Variants in CLSTN2 observed in about 807,000 individuals in gnomAD.
CLSTN2 encodes the protein calsyntenin 2.
CLSTN2 carries 48 observed loss-of-function variants against 101.2 expected under a neutral mutation model. That is an observed-to-expected ratio of 0.47 (90% CI 0.38 to 0.60). The LOEUF is 0.60. Among genes scored for constraint, CLSTN2 ranks in the 20% least tolerant of loss-of-function variants. The probability of loss-of-function intolerance (pLI) is 0.00; values close to 1 mark genes in which losing one functional copy is unlikely to be tolerated. For missense variants in CLSTN2, 1,160 were observed against 1,238.2 expected (o/e 0.94, Z 0.95); for synonymous variants, 481 against 463.6 (o/e 1.04, Z -0.48).
intron 2 of CLSTN2, among the ~76,000 whole-genome samples, chr3:140,376,391 A>T (rs2087917210): frequency 6.6e-6 from 1 of 152,182 alleles, no homozygotes; most frequent in African/African-American, 2.4e-5. Flanking sequence ...ATGGAGACGG[A>T]TGGAATGGAG....
At chr3:140,096,647 G>T (rs1013942518) in intron 1 of CLSTN2, among the ~76,000 whole-genome samples, 2 of 152,176 alleles carry the variant, frequency 1.3e-5, no homozygotes, top group Non-Finnish European at 2.9e-5. Flanking sequence ...GTGCTTCACT[G>T]CAGATAGAGA....
intron 1 of CLSTN2, among the ~76,000 whole-genome samples, chr3:140,131,185 C>T (rs1453681926): frequency 8.6e-5 from 13 of 151,340 alleles, no homozygotes; most frequent in Non-Finnish European, 1.8e-4. Flanking sequence ...GGCTTTATTT[C>T]TTTGGCAGCA....
At chr3:140,017,693 A>C (rs1196384269) in intron 1 of CLSTN2, among the ~76,000 whole-genome samples, 2 of 152,222 alleles carry the variant, frequency 1.3e-5, no homozygotes, top group Non-Finnish European at 2.9e-5. Context: ...CCTTTCCAAG[A>C]GGAGGGGAGG....
Position 139,953,931 on chromosome 3 carries a change from T to TGTGTGTGTG in CLSTN2, c.109+18448_109+18449insGTGTGTGTG, listed in dbSNP as rs1576374977. Among the ~76,000 whole-genome samples the TGTGTGTGTG allele has an allele frequency of 3.5e-3, 511 of 147,488 alleles. 5 individuals are homozygous for TGTGTGTGTG. The highest frequency in any genetic ancestry group is 0.012 in the African/African-American group (485 of 39,608). On this transcript the variant is annotated intron_variant, in intron 1 of 16. Transcript: ENST00000458420. ...AGAGAAGGGCTCTGTGTGTGTGTGTTTGTGTGTGTGTGTGTGTGTGTGTTT... is the reference window on the plus strand; with the variant it reads ...AGAGAAGGGCTCTGTGTGTGTGTGTTGTGTGTGTGTGTGTGTGTGTGTGTGTGTGTGTTT...
chr3:140,294,674 A>G (rs1391346876), intron 2 of CLSTN2, among the ~76,000 whole-genome samples: 1 of 151,412 alleles, frequency 6.6e-6, no homozygotes, highest in Admixed American at 6.6e-5. Flanking sequence ...ATCAATGAAC[A>G]CTCATTTTCT....
At chr3:140,133,118 G>A (rs2009546916) in intron 1 of CLSTN2, among the ~76,000 whole-genome samples, 1 of 152,176 alleles carries the variant, frequency 6.6e-6, no homozygotes, top group Admixed American at 6.5e-5. Context: ...TTTGCTCATA[G>A]CAGAAGTCGA....
chr3:140,499,580 TAGTG>T (rs1422861599), intron 8 of CLSTN2, among the ~76,000 whole-genome samples: 1 of 152,142 alleles, frequency 6.6e-6, no homozygotes, highest in Non-Finnish European at 1.5e-5. Context: ...CATTTGGAGA[TAGTG>T]AGGCTGCTCT....
intron 2 of CLSTN2, among the ~76,000 whole-genome samples, chr3:140,185,649 A>C (rs1483698037): frequency 6.6e-6 from 1 of 152,030 alleles, no homozygotes; most frequent in African/African-American, 2.4e-5. Flanking sequence ...TTCCTGTTTG[A>C]ATGCTGAGAG....
intron 9 of CLSTN2, among the ~76,000 whole-genome samples, chr3:140,535,466 C>T (rs1244874371): frequency 6.6e-6 from 1 of 152,150 alleles, no homozygotes; most frequent in Non-Finnish European, 1.5e-5. Context: ...ATGGGAAACC[C>T]AAGTATACAT....
intron 1 of CLSTN2, among the ~76,000 whole-genome samples, chr3:140,061,446 C>T (rs945448976): frequency 6.6e-5 from 10 of 152,108 alleles, no homozygotes; most frequent in Admixed American, 1.3e-4. Flanking sequence ...CTCTGGGTTG[C>T]CCTAGGAGAC....
At chr3:140,556,462 C>G in intron 10 of CLSTN2, 51 bp from the exon 11 acceptor site, 1 of 1,597,956 alleles carries the variant, frequency 6.3e-7, no homozygotes, top group Non-Finnish European at 8.6e-7. Flanking sequence ...CCCATAAAAC[C>G]ATGTACATCA....
At chr3:140,137,200 A>C (rs62266195) in intron 1 of CLSTN2, among the ~76,000 whole-genome samples, 5,717 of 152,192 alleles carry the variant, frequency 0.038, 142 homozygotes, top group Non-Finnish European at 0.056. Context: ...CCAGCCCCAG[A>C]AGGGCTCAGG....
intron 1 of CLSTN2, among the ~76,000 whole-genome samples, chr3:139,956,006 A>C (rs1335619563): frequency 6.6e-6 from 1 of 152,190 alleles, no homozygotes; most frequent in African/African-American, 2.4e-5. Context: ...ACACTTGATG[A>C]GCACTCACCA....
At chr3:140,380,774 G>A (rs1159684972) in intron 2 of CLSTN2, among the ~76,000 whole-genome samples, 1 of 152,210 alleles carries the variant, frequency 6.6e-6, no homozygotes, top group African/African-American at 2.4e-5. Flanking sequence ...GATACAGGGG[G>A]ATTACAGACA....
At chr3:140,128,396 A>AT (rs2009469726) in intron 1 of CLSTN2, among the ~76,000 whole-genome samples, 1 of 152,246 alleles carries the variant, frequency 6.6e-6, no homozygotes, top group African/African-American at 2.4e-5. Flanking sequence ...ATCAGACAGC[A>AT]TCCTGGCAGG....
intron 1 of CLSTN2, among the ~76,000 whole-genome samples, chr3:139,970,515 T>C (rs140680118): frequency 5.5e-4 from 84 of 152,332 alleles, no homozygotes; most frequent in African/African-American, 1.8e-3. Context: ...TTGTGAGGCA[T>C]GTGTGAAAGC....
At chr3:140,416,589 G>A (rs931122) in intron 4 of CLSTN2, among the ~76,000 whole-genome samples, 2,034 of 152,258 alleles carry the variant, frequency 0.013, 47 homozygotes, top group African/African-American at 0.046. Flanking sequence ...TCTACCACTC[G>A]TATGTGTGTG....
At chr3:140,279,476 G>A (rs2086825915) in intron 2 of CLSTN2, among the ~76,000 whole-genome samples, 1 of 152,240 alleles carries the variant, frequency 6.6e-6, no homozygotes, top group Admixed American at 6.5e-5. Flanking sequence ...AATGGAGGAG[G>A]AAGGAATTGT....
At chr3:140,176,184 C>A (rs973351608) in intron 2 of CLSTN2, 111 bp downstream of exon 2, 1 of 1,178,038 alleles carries the variant, frequency 8.5e-7, no homozygotes, top group Non-Finnish European at 1.2e-6. Context: ...CCCTGTGCAT[C>A]TCTAGATCAG....
Sources: gnomAD v4.1 joint callset for allele counts (sites outside exome capture counted in the v4.1 genomes callset) on GRCh38, gnomAD v4.1.1 for gene constraint, MANE v1.5 for transcripts, NCBI Gene and HGNC (gene_info 2026-07-23, HGNC 2026-07-21) for gene names.